The following CTH variants were observed in gnomAD, a reference collection of about 807,000 sequenced individuals.
CTH encodes cystathionase (cystathionine gamma-lyase).
In CTH, 41 loss-of-function variants were observed where a neutral mutation model predicts 50.6. The observed-to-expected ratio is 0.81, with a 90% confidence interval of 0.63 to 1.05. CTH has a LOEUF of 1.05. CTH is among the 50% of genes least tolerant of loss of function. CTH has a pLI of 0.00. For synonymous variants in CTH, 156 were observed against 168.9 expected (o/e 0.92, Z 0.59); for missense variants, 470 against 492.6 (o/e 0.95, Z 0.43).
intron 11 of CTH, 131 bp from the exon 12 acceptor site, chr1:70,438,970 T>C (rs1684660853): frequency 6.4e-7 from 1 of 1,568,942 alleles, no homozygotes; most frequent in Non-Finnish European, 8.8e-7. Context: ...GGTGTATAAA[T>C]AAACGTATAG....
In CTH at chr1:70,415,916, CTG is replaced by C. The variant is rs762038567; in HGVS notation, c.169-39_169-38del. The C allele has an allele frequency of 7.2e-6, 8 of 1,106,336 alleles. No individual in the cohort carries two copies. In the East Asian group the frequency reaches 1.4e-4, roughly 19 times the overall value. The allele number at this position is 1,106,336 out of a possible 1,614,324, so 68.5% of individuals were successfully genotyped here. ...TCTATGTTAGGACTCTGATAATAAA[CTG>C]AAATCTCTTAGGATGAACTCGAACT... On this transcript the variant is annotated intron_variant, in intron 1 of 11. Transcript: ENST00000370938.
intron 1 of CTH, among the ~76,000 whole-genome samples, chr1:70,411,838 T>C (rs1683972414): frequency 6.6e-6 from 1 of 152,194 alleles, no homozygotes; most frequent in Non-Finnish European, 1.5e-5. Context: ...ATTCAGGTGA[T>C]TTTGACAAAT....
intron 9 of CTH, 87 bp downstream of exon 9, chr1:70,434,036 G>A: frequency 1.3e-6 from 2 of 1,584,948 alleles, no homozygotes; most frequent in Admixed American, 1.7e-5. Context: ...GCCAGATAAT[G>A]TTTTTGTATC....
chr1:70,433,766 T>A, intron 8 of CTH, 62 bp from the exon 9 acceptor site: 1 of 1,592,240 alleles, frequency 6.3e-7, no homozygotes, highest in Non-Finnish European at 8.6e-7. Context: ...AATACCACCC[T>A]CCCCCCCCAA....
chr1:70,434,862 C>G, intron 9 of CTH: 1 of 341,916 alleles, frequency 2.9e-6, no homozygotes, highest in Non-Finnish European at 5.7e-6. Context: ...AAGTGATACT[C>G]CTGCTTCAGC....
At chr1:70,426,413 G>A (rs1684347690) in intron 5 of CTH, among the ~76,000 whole-genome samples, 1 of 152,054 alleles carries the variant, frequency 6.6e-6, no homozygotes, top group Non-Finnish European at 1.5e-5. Context: ...TCTTCAATTG[G>A]GCAGATGTTT....
intron 3 of CTH, among the ~76,000 whole-genome samples, chr1:70,419,381 T>G (rs1684164181): frequency 6.6e-6 from 1 of 152,186 alleles, no homozygotes; most frequent in Admixed American, 6.5e-5. Context: ...TAGTTCTAGA[T>G]CCCTGAGGAA....
At position 70,436,509 on chromosome 1, in the gene CTH, G is replaced by A. The variant is rs140077122; in HGVS notation, c.1052+1332G>A. Among the ~76,000 whole-genome samples the A allele has an allele frequency of 5.8e-4, 88 of 151,938 alleles. No homozygotes were observed. The East Asian group carries it at 0.014, about 24-fold the overall frequency. On this transcript the variant is annotated intron_variant, in intron 10 of 11. Transcript: ENST00000370938. ...ATTTTTAACTGTACTAAATGTATAC[G>A]GTGTATTTCTGTGTCTTCATTTTTA...
chr1:70,423,830 C>T (rs1191419402), intron 4 of CTH, among the ~76,000 whole-genome samples: 1 of 152,062 alleles, frequency 6.6e-6, no homozygotes, highest in Non-Finnish European at 1.5e-5. Flanking sequence ...GAGTTTCTGG[C>T]ATTAAGTTCA....
rs1684082980 is a variant in CTH at position 70,415,975 on chromosome 1, C to T, written c.188C>T (p.Ser63Phe). The T allele has an allele frequency of 1.2e-6, 2 of 1,609,464 alleles. No individual in the cohort carries two copies. The highest frequency in any genetic ancestry group is 1.7e-6 in the Non-Finnish European group (2 of 1,175,800). The change falls in exon 2 of 12, where the codon TCT becomes TTT. Residue 63 changes from serine to phenylalanine, a missense_variant. Transcript: ENST00000370938. ...GQHSGFEYSR[S>F]GNPTRNCLEK... Reference sequence around the variant, plus strand: ...TTTCAGGGTTTTGAATATAGCCGTTCTGGAAATCCCACTAGGAATTGCCTT... The same window carrying T: ...TTTCAGGGTTTTGAATATAGCCGTTTTGGAAATCCCACTAGGAATTGCCTT...
chr1:70,432,152 G>T lies in CTH; in HGVS notation c.794G>T (p.Arg265Leu), dbSNP rs200263768. 1.9e-6 allele frequency: 3 copies of T among 1,614,062 alleles called. No individual in the cohort carries two copies. Among genetic ancestry groups the T allele is most frequent in the Non-Finnish European group, 2.5e-6 (3 of 1,180,000 alleles). Residue 265 changes from arginine (R) to leucine (L), a missense_variant, in exon 8 of 12, where the codon CGA (arginine) becomes CTA (leucine). By Grantham distance (102) the Arg-to-Leu change is moderately radical. Coordinates refer to ENST00000370938, the MANE Select transcript of CTH (RefSeq NM_001902.6). The part of the protein sequence containing the change: ...CNRGLKTLHV[R>L]MEKHFKNGMA... Reference sequence around the variant, plus strand: ...CGAGGTCTGAAGACTCTACATGTCCGAATGGAAAAGCATTTCAAAAACGGA... The same window carrying T: ...CGAGGTCTGAAGACTCTACATGTCCTAATGGAAAAGCATTTCAAAAACGGA...
At chr1:70,438,929 T>A in intron 11 of CTH, 103 bp downstream of exon 11, 1 of 1,602,478 alleles carries the variant, frequency 6.2e-7, no homozygotes, top group Non-Finnish European at 8.5e-7. Context: ...CACTGTGAAC[T>A]CTAAAGCTTT....
chr1:70,418,011 T>G lies in CTH; in HGVS notation c.325T>G (p.Cys109Gly), dbSNP rs1422937933. Reference protein sequence around the residue: ...HLLKAGDQIICMDDVYGGTNR... With the variant: ...HLLKAGDQIIGMDDVYGGTNR... ...TTTAAAAGCAGGAGACCAAATTATTTGTATGGATGATGTGTATGGAGGTAG... is the reference window on the plus strand; with the variant it reads ...TTTAAAAGCAGGAGACCAAATTATTGGTATGGATGATGTGTATGGAGGTAG... The change falls in exon 3 of 12, where the codon TGT becomes GGT. Residue 109 changes from cysteine to glycine, a missense_variant. By Grantham distance (159) the Cys-to-Gly change is radical. Coordinates refer to ENST00000370938, the MANE Select transcript of CTH (RefSeq NM_001902.6). 1 of 1,614,152 alleles carries G rather than the reference T, an allele frequency of 6.2e-7. No homozygotes were observed. Among genetic ancestry groups the G allele is most frequent in the Admixed American group, 1.7e-5 (1 of 60,026 alleles).
chr1:70,435,507 T>C (rs1334929567), intron 10 of CTH, among the ~76,000 whole-genome samples: 5 of 152,028 alleles, frequency 3.3e-5, no homozygotes, highest in Non-Finnish European at 5.9e-5. Flanking sequence ...TTAGAGGGGA[T>C]TGGAGACTTT....
intron 8 of CTH, among the ~76,000 whole-genome samples, chr1:70,432,710 G>A (rs1684505933): frequency 7.6e-6 from 1 of 131,230 alleles, no homozygotes; most frequent in Non-Finnish European, 1.6e-5. Flanking sequence ...TTTTGAGACG[G>A]AGTTTCACTC....
Position 70,433,366 on chromosome 1 carries a change from T to A in CTH, c.878-462T>A, listed in dbSNP as rs556721041. On this transcript the variant is annotated intron_variant, in intron 8 of 11. Transcript: ENST00000370938. ...TGCCATGAAGAATGGGCAGCATTGG[T>A]TAAAAGGGCATAGACAAGGTATTGG... Among the ~76,000 whole-genome samples the A allele has an allele frequency of 2.8e-3, 424 of 152,212 alleles. 5 individuals carry two copies. Among genetic ancestry groups the A allele is most frequent in the African/African-American group, 1.0e-2 (415 of 41,542 alleles).
At chr1:70,434,745 A>AT (rs1684557053) in intron 9 of CTH, 1 of 170,976 alleles carries the variant, frequency 5.8e-6, no homozygotes, top group Admixed American at 5.8e-5. Flanking sequence ...CAAATGCAAT[A>AT]ATTTTTTTTT....
intron 7 of CTH, 148 bp downstream of exon 7, chr1:70,430,542 T>G: frequency 1.7e-6 from 1 of 571,872 alleles, no homozygotes; most frequent in South Asian, 2.2e-5. Context: ...TTTTTTTTAT[T>G]TATTAATTTT....
rs117476761 is a variant in CTH, at chr1:70,437,041, G to A, written c.1053-1647G>A. Among the ~76,000 whole-genome samples the A allele has an allele frequency of 1.1e-3, 173 of 152,206 alleles. 3 individuals are homozygous for A. In the East Asian group the frequency reaches 0.032, roughly 28 times the overall value. ...ACTCTGCTGCTACTAGTGCAGCATTGCAATATGGGAGGAAGGAAGTGAAGC... is the reference window on the plus strand; with the variant it reads ...ACTCTGCTGCTACTAGTGCAGCATTACAATATGGGAGGAAGGAAGTGAAGC... On this transcript the variant is annotated intron_variant, in intron 10 of 11. Coordinates refer to ENST00000370938, the MANE Select transcript of CTH (RefSeq NM_001902.6).
Sources: allele counts gnomAD v4.1 joint callset (sites outside exome capture counted in the v4.1 genomes callset), GRCh38; gene constraint gnomAD v4.1.1; transcripts MANE v1.5; gene names NCBI Gene and HGNC (gene_info 2026-07-23, HGNC 2026-07-21).